The following CCDC171 variants were observed in gnomAD, a reference collection of about 807,000 sequenced individuals.
CCDC171 encodes the protein coiled-coil domain-containing protein 171.
CCDC171 carries 177 observed loss-of-function variants against 168.2 expected under a neutral mutation model. That is an observed-to-expected ratio of 1.05 (90% CI 0.93 to 1.19). The LOEUF (loss-of-function observed/expected upper bound fraction) is 1.19, where lower values mean the gene tolerates loss of function less well. Ranked by LOEUF, CCDC171 falls within the 50% of genes most tolerant of loss-of-function variation. The pLI is 0.00. For missense variants in CCDC171, 1,991 were observed against 1,539.0 expected (o/e 1.29, Z -4.91); for synonymous variants, 687 against 540.8 (o/e 1.27, Z -3.75).
intron 3 of CCDC171, among the ~76,000 whole-genome samples, chr9:15,981,389 A>C (rs1831791979): frequency 6.6e-6 from 1 of 152,210 alleles, no homozygotes; most frequent in African/African-American, 2.4e-5. Context: ...GAATCAAATC[A>C]GCTAGCACTT....
chr9:16,032,782 C>A (rs1280270177), intron 6 of CCDC171, among the ~76,000 whole-genome samples: 1 of 152,150 alleles, frequency 6.6e-6, no homozygotes, highest in Non-Finnish European at 1.5e-5. Context: ...CATGCCTGGC[C>A]AACAGGGAAC....
At chr9:15,628,919 A>G (rs554538931) in intron 7 of CCDC171, among the ~76,000 whole-genome samples, 77 of 152,350 alleles carry the variant, frequency 5.1e-4, no homozygotes, top group African/African-American at 1.8e-3. Context: ...CCAGGCAAAC[A>G]GAGTCTGGAG....
At chr9:15,854,227 C>T (rs1230637613) in intron 23 of CCDC171, among the ~76,000 whole-genome samples, 1 of 150,672 alleles carries the variant, frequency 6.6e-6, no homozygotes, top group African/African-American at 2.4e-5. Flanking sequence ...ACTTTCTGGG[C>T]CTGGACTTTT....
intron 6 of CCDC171, among the ~76,000 whole-genome samples, chr9:15,613,707 T>G (rs1476516632): frequency 6.6e-6 from 1 of 152,032 alleles, no homozygotes; most frequent in African/African-American, 2.4e-5. Flanking sequence ...GTATTTTTAG[T>G]AGAGACAGGG....
chr9:15,861,010 CATT>C lies in CCDC171; in HGVS notation c.3468+12066_3468+12068del, dbSNP rs2061535074. Reference sequence around the variant, plus strand: ...GTTCCTGGAGACTGCACTCTTATATCATTATATAATGTTATTCTTTGTCTCTCC... The same window carrying C: ...GTTCCTGGAGACTGCACTCTTATATCATATAATGTTATTCTTTGTCTCTCC... On this transcript the variant is annotated intron_variant, in intron 23 of 25. Coordinates refer to ENST00000380701, the MANE Select transcript of CCDC171 (RefSeq NM_173550.4). Among the ~76,000 whole-genome samples, 5 of 148,532 alleles carry C rather than the reference CATT, an allele frequency of 3.4e-5. No homozygotes were observed. In the South Asian group the frequency reaches 1.1e-3, roughly 32 times the overall value.
intron 6 of CCDC171, among the ~76,000 whole-genome samples, chr9:15,622,358 T>A (rs1323864102): frequency 6.6e-6 from 1 of 152,230 alleles, no homozygotes; most frequent in East Asian, 1.9e-4. Flanking sequence ...ATCTCTTCAC[T>A]GTGGACTTAG....
chr9:15,577,669 G>A (rs1314663786), intron 3 of CCDC171, among the ~76,000 whole-genome samples: 2 of 152,192 alleles, frequency 1.3e-5, no homozygotes, highest in African/African-American at 2.4e-5. Context: ...TTAATAGCGG[G>A]TATTGGTTAC....
chr9:15,724,939 T>G lies in CCDC171; in HGVS notation c.1655T>G (p.Leu552Arg). ...CAGGCAGCCCAGTCTGAAAGTGAAC[T>G]GCAGAAGCTTTCCCAGGCTTTCCAT... ...KAQAAQSESE[L>R]QKLSQAFHKD... Residue 552 changes from leucine (L) to arginine (R), a missense_variant, in exon 14 of 26, where the codon CTG becomes CGG. Leu to Arg is a moderately radical substitution (Grantham distance 102). Transcript: ENST00000380701. The G allele has an allele frequency of 1.2e-6, 2 of 1,613,948 alleles. No homozygotes were observed. Among genetic ancestry groups the G allele is most frequent in the Non-Finnish European group, 1.7e-6 (2 of 1,179,870 alleles).
intron 18 of CCDC171, among the ~76,000 whole-genome samples, chr9:15,753,227 G>C (rs2055877886): frequency 6.6e-6 from 1 of 152,210 alleles, no homozygotes; most frequent in African/African-American, 2.4e-5. Flanking sequence ...GTATAGGGAA[G>C]ACTTCAGGGA....
At chr9:15,933,846 A>T (rs1826801804) in intron 25 of CCDC171, among the ~76,000 whole-genome samples, 1 of 152,064 alleles carries the variant, frequency 6.6e-6, no homozygotes, top group Non-Finnish European at 1.5e-5. Context: ...ATAAATCTTC[A>T]TGAGCTTGGA....
intron 8 of CCDC171, among the ~76,000 whole-genome samples, chr9:15,665,338 C>A (rs1049559136): frequency 6.6e-6 from 1 of 152,146 alleles, no homozygotes; most frequent in Non-Finnish European, 1.5e-5. Context: ...ATAAATATTT[C>A]AGTCAAATAG....
chr9:15,933,191 A>T (rs1199141567), intron 25 of CCDC171, among the ~76,000 whole-genome samples: 1 of 151,924 alleles, frequency 6.6e-6, no homozygotes, highest in East Asian at 1.9e-4. Flanking sequence ...TGAATGTTAG[A>T]TAGATTTCAG....
intron 21 of CCDC171, among the ~76,000 whole-genome samples, chr9:15,835,276 A>T (rs559096765): frequency 6.6e-6 from 1 of 152,306 alleles, no homozygotes; most frequent in East Asian, 1.9e-4. Flanking sequence ...ATTTGTATTT[A>T]TTTACCATTT....
intron 1 of CCDC171, among the ~76,000 whole-genome samples, chr9:16,060,345 C>T (rs1833914497): frequency 6.6e-6 from 1 of 152,112 alleles, no homozygotes; most frequent in East Asian, 1.9e-4. Context: ...TTGCGTGGCG[C>T]CTCGAGACCA....
In CCDC171 at chr9:15,914,098, C is replaced by T. The variant is rs562527369; in HGVS notation, c.3601-6172C>T. Among the ~76,000 whole-genome samples the T allele has an allele frequency of 2.6e-5, 4 of 152,352 alleles. No homozygotes were observed. In the East Asian group the frequency reaches 5.8e-4, roughly 22 times the overall value. The stretch of plus-strand genomic sequence containing the variant: ...TCTGTCAACCCCTGCTGGGAGTTGT[C>T]TCCCTGTCAGGATGCATGGGGGTCA... On this transcript the variant is annotated intron_variant, in intron 24 of 25. Coordinates refer to ENST00000380701, the MANE Select transcript of CCDC171 (RefSeq NM_173550.4).
intron 18 of CCDC171, among the ~76,000 whole-genome samples, chr9:15,759,534 C>G (rs919016762): frequency 6.6e-6 from 1 of 152,112 alleles, no homozygotes; most frequent in Non-Finnish European, 1.5e-5. Context: ...TTATGTGTTG[C>G]ATTTAGTCAT....
At chr9:15,659,964 A>C (rs186662682) in intron 8 of CCDC171, among the ~76,000 whole-genome samples, 1 of 152,314 alleles carries the variant, frequency 6.6e-6, no homozygotes, top group East Asian at 1.9e-4. Context: ...ATTAAAAGCT[A>C]CTGCTTTCAA....
intron 21 of CCDC171, among the ~76,000 whole-genome samples, chr9:15,824,468 G>C (rs2136149871): frequency 6.6e-6 from 1 of 152,018 alleles, no homozygotes; most frequent in South Asian, 2.1e-4. Flanking sequence ...TTGGTGCTTT[G>C]CTTTTAGGTC....
intron 21 of CCDC171, among the ~76,000 whole-genome samples, chr9:15,810,391 G>A (rs764649484): frequency 1.3e-4 from 20 of 152,154 alleles, no homozygotes; most frequent in Middle Eastern, 3.4e-3. Context: ...CCCACACTGT[G>A]TGCCTGCACT....
Sources: gnomAD v4.1 joint callset for allele counts (sites outside exome capture counted in the v4.1 genomes callset) on GRCh38, gnomAD v4.1.1 for gene constraint, MANE v1.5 for transcripts, NCBI Gene and HGNC (gene_info 2026-07-23, HGNC 2026-07-21) for gene names.